The following ALG14 variants were observed in gnomAD, a reference collection of about 807,000 sequenced individuals.
ALG14 encodes UDP-N-acetylglucosamine transferase subunit ALG14.
Under a neutral mutation model 22.8 loss-of-function variants are expected in ALG14, and 17 were observed. The observed-to-expected ratio is 0.75, with a 90% CI of 0.51 to 1.12. The LOEUF (loss-of-function observed/expected upper bound fraction) is 1.12. ALG14 is among the 50% of genes most tolerant of loss of function. ALG14 has a pLI of 0.00. For missense variants in ALG14, 288 were observed against 271.8 expected, an observed-to-expected ratio of 1.06 and a Z score of -0.42; for synonymous variants, 89 against 103.7, an observed-to-expected ratio of 0.86 and a Z score of 0.86.
In ALG14 at chr1:95,034,352, TGA is replaced by T. The variant is rs1463792423; in HGVS notation, c.289-7094_289-7093del. ...CCCTCTTCCAGGGATGCAAGCTCCA[TGA>T]GAGAAAAGGATTTCATCTTGCTCAC... On this transcript the variant is annotated intron_variant, in intron 2 of 3. Transcript: ENST00000370205. Among the ~76,000 whole-genome samples, 3 of 152,234 alleles carry T rather than the reference TGA, an allele frequency of 2.0e-5. No individual in the cohort carries two copies. The South Asian group carries it at 6.2e-4, about 31-fold the overall frequency.
rs866415320 is a variant in ALG14, at chr1:95,059,372, T to G, written c.288+5494A>C. ...GAGATCACATCATTGCACTCTAGCC[T>G]GGGTGACAGGGTGAGACTCTGTCTC... is the stretch of plus-strand genomic sequence containing the variant. On this transcript the variant is annotated intron_variant, in intron 2 of 3. Coordinates refer to ENST00000370205, the MANE Select transcript of ALG14 (RefSeq NM_144988.4). Among the ~76,000 whole-genome samples the G allele has an allele frequency of 6.4e-5, 8 of 125,822 alleles. No homozygotes were observed. In the South Asian group the frequency reaches 7.4e-4, roughly 12 times the overall value. The allele number at this position is 125,822 out of a possible 152,430, so 82.5% of individuals were successfully genotyped here. A position where few individuals can be genotyped will look rare whatever the true frequency, so the allele number is the denominator to read the frequency against.
intron 2 of ALG14, among the ~76,000 whole-genome samples, chr1:95,038,701 G>A (rs1304576717): frequency 2.1e-5 from 3 of 144,118 alleles, no homozygotes; most frequent in African/African-American, 7.6e-5. Context: ...AAAAAACAAA[G>A]TGATAAACTA....
chr1:95,029,872 TTTTA>T (rs1326699635), intron 2 of ALG14, among the ~76,000 whole-genome samples: 4 of 152,240 alleles, frequency 2.6e-5, no homozygotes, highest in African/African-American at 4.8e-5. Context: ...TATCCACTAT[TTTTA>T]TTTATTTATC....
rs745926858 is a variant in ALG14, at chr1:94,992,547, G to A, written c.421-9241C>T. On this transcript the variant is annotated intron_variant, in intron 3 of 3. Coordinates refer to ENST00000370205, the MANE Select transcript of ALG14 (RefSeq NM_144988.4). ...GACTCGAAGTTACTGAGGACCAATGGAAGAGGAGGGTTGAAGAGGAGGGGG... is the reference window on the plus strand; with the variant it reads ...GACTCGAAGTTACTGAGGACCAATGAAAGAGGAGGGTTGAAGAGGAGGGGG... 3.4e-4 allele frequency among the ~76,000 whole-genome samples: 51 copies of A among 152,172 alleles called. 1 individual carries two copies. The highest frequency in any genetic ancestry group is 1.5e-4 in the Non-Finnish European group (10 of 68,026).
At chr1:94,997,980 C>T (rs1158866328) in intron 3 of ALG14, among the ~76,000 whole-genome samples, 1 of 152,200 alleles carries the variant, frequency 6.6e-6, no homozygotes, top group East Asian at 1.9e-4. Context: ...CCTGTTGGGG[C>T]AACAGGTTCT....
intron 2 of ALG14, among the ~76,000 whole-genome samples, chr1:95,045,664 G>C (rs1674523051): frequency 6.9e-6 from 1 of 144,492 alleles, no homozygotes; most frequent in Non-Finnish European, 1.5e-5. Context: ...TAACAGAATG[G>C]TATACTAATA....
intron 2 of ALG14, among the ~76,000 whole-genome samples, chr1:95,040,614 A>T (rs1319450472): frequency 6.6e-6 from 1 of 152,216 alleles, no homozygotes; most frequent in Non-Finnish European, 1.5e-5. Flanking sequence ...AAAAGGAAGG[A>T]CGTAGGGAAT....
rs947403774 is a variant in ALG14, at chr1:94,980,387, T to C, written c.*2689A>G. 3 of 152,154 alleles carry C rather than the reference T, an allele frequency of 2.0e-5. No individual in the cohort carries two copies. The highest frequency in any genetic ancestry group is 6.5e-5 in the Admixed American group (1 of 15,272). The allele number at this position is 152,154 out of a possible 1,614,324, so 9.4% of individuals were successfully genotyped here. On this transcript the variant is annotated 3_prime_UTR_variant, in exon 4 of 4. Coordinates refer to ENST00000370205, the MANE Select transcript of ALG14 (RefSeq NM_144988.4). ...CCTTTTAGGATAGCTGGACTGTAGATAGAAATCTTCCAGGGAAGTAGGTGT... is the reference window on the plus strand; with the variant it reads ...CCTTTTAGGATAGCTGGACTGTAGACAGAAATCTTCCAGGGAAGTAGGTGT...
intron 3 of ALG14, among the ~76,000 whole-genome samples, chr1:95,022,052 T>G (rs892836203): frequency 2.0e-5 from 3 of 152,026 alleles, no homozygotes; most frequent in African/African-American, 7.2e-5. Flanking sequence ...AGAGCAAAAA[T>G]CACAGGCAAA....
intron 3 of ALG14, among the ~76,000 whole-genome samples, chr1:95,007,625 T>C (rs539829843): frequency 2.0e-5 from 3 of 152,372 alleles, no homozygotes; most frequent in African/African-American, 7.2e-5. Flanking sequence ...TGCCAACATG[T>C]TGTCTACACA....
intron 3 of ALG14, among the ~76,000 whole-genome samples, chr1:95,017,845 T>A (rs531775263): frequency 6.6e-6 from 1 of 152,206 alleles, no homozygotes; most frequent in South Asian, 2.1e-4. Context: ...AATGAGGCAC[T>A]GGAGCTCCAA....
chr1:95,044,733 T>C (rs1674490585), intron 2 of ALG14, among the ~76,000 whole-genome samples: 1 of 152,206 alleles, frequency 6.6e-6, no homozygotes, highest in Non-Finnish European at 1.5e-5. Flanking sequence ...GGTATTACTG[T>C]CTTCTCATCC....
intron 1 of ALG14, among the ~76,000 whole-genome samples, chr1:95,071,475 T>C (rs914420925): frequency 2.0e-5 from 3 of 151,934 alleles, no homozygotes; most frequent in Admixed American, 2.0e-4. Context: ...ATTTGGGAGG[T>C]GGAGTTGCAG....
At chr1:95,058,394 A>G (rs1675011402) in intron 2 of ALG14, among the ~76,000 whole-genome samples, 1 of 150,222 alleles carries the variant, frequency 6.7e-6, no homozygotes, top group African/African-American at 2.4e-5. Context: ...AGGTGGGATC[A>G]CTTGAGGTCA....
chr1:95,064,053 G>T (rs1188907367), intron 2 of ALG14, among the ~76,000 whole-genome samples: 1 of 152,108 alleles, frequency 6.6e-6, no homozygotes, highest in Non-Finnish European at 1.5e-5. Flanking sequence ...ATTGTGAATG[G>T]GAGTTCATTC....
At chr1:94,999,601 A>T (rs919120707) in intron 3 of ALG14, among the ~76,000 whole-genome samples, 1 of 151,848 alleles carries the variant, frequency 6.6e-6, no homozygotes, top group African/African-American at 2.4e-5. Flanking sequence ...CTGCCAGGGG[A>T]TTCCCTCTCC....
In ALG14 at chr1:95,009,079, C is replaced by G. The variant is rs533615092; in HGVS notation, c.420+18050G>C. ...ATCTGTTGATGGACACTTGTTTCTA[C>G]CTTTTGACTTGTGAATAATGCTGCT... On this transcript the variant is annotated intron_variant, in intron 3 of 3. Transcript: ENST00000370205. Among the ~76,000 whole-genome samples the G allele has an allele frequency of 2.6e-5, 4 of 152,032 alleles. No homozygotes were observed. In the South Asian group the frequency reaches 8.3e-4, roughly 32 times the overall value.
intron 2 of ALG14, among the ~76,000 whole-genome samples, chr1:95,057,634 G>A (rs1674980166): frequency 6.7e-6 from 1 of 149,370 alleles, no homozygotes; most frequent in African/African-American, 2.5e-5. Context: ...GTGTGTGTGT[G>A]TGTGTGTGTG....
rs141167109 is a variant in ALG14, at chr1:95,063,227, T to C, written c.288+1639A>G. ...TCAGATGGACATATTGCAAAAATTT[T>C]CTCCAATCCTGTAGGTTGTCTGTTC... On this transcript the variant is annotated intron_variant, in intron 2 of 3. Coordinates refer to ENST00000370205, the MANE Select transcript of ALG14 (RefSeq NM_144988.4). 2.0e-3 allele frequency among the ~76,000 whole-genome samples: 308 copies of C among 152,374 alleles called. 8 individuals carry two copies. In the East Asian group the frequency reaches 0.054, roughly 27 times the overall value.
Sources: gnomAD v4.1 joint callset for allele counts (sites outside exome capture counted in the v4.1 genomes callset) on GRCh38, gnomAD v4.1.1 for gene constraint, MANE v1.5 for transcripts, NCBI Gene and HGNC (gene_info 2026-07-23, HGNC 2026-07-21) for gene names.